The following EPS15L1 variants were observed in gnomAD, a reference collection of about 807,000 sequenced individuals.
The protein encoded by EPS15L1 is epidermal growth factor receptor substrate 15-like 1.
EPS15L1 carries 43 observed loss-of-function variants against 117.1 expected under a neutral mutation model. The ratio of observed to expected loss-of-function variants is 0.37; its 90% CI spans 0.29 to 0.47. The LOEUF (loss-of-function observed/expected upper bound fraction) is 0.47, where lower values mean the gene tolerates loss of function less well. Ranked by LOEUF, EPS15L1 falls within the 20% of genes least tolerant of loss-of-function variation. The pLI is 0.99. For missense variants in EPS15L1, 981 were observed against 1,164.0 expected (o/e 0.84, Z 2.29); for synonymous variants, 459 against 470.5 (o/e 0.98, Z 0.32).
rs202076491 is a variant in EPS15L1, at chr19:16,385,102, C to T, written c.2247+27G>A. ...AGAGGCACAAAGACACTAGCAGAGG[C>T]GCGGGGGCTCCGTGGAGGGGCTTTA... On this transcript the variant is annotated intron_variant, in intron 21 of 23. Transcript: ENST00000455140. The T allele has an allele frequency of 6.3e-5, 101 of 1,591,668 alleles. No individual in the cohort carries two copies. In the African/African-American group the frequency reaches 8.3e-4, roughly 13 times the overall value.
intron 19 of EPS15L1, among the ~76,000 whole-genome samples, chr19:16,387,508 G>A (rs778917094): frequency 2.6e-5 from 4 of 152,314 alleles, no homozygotes; most frequent in East Asian, 3.9e-4. Flanking sequence ...TTGGGAGGCC[G>A]AGGCAGAAGA....
intron 23 of EPS15L1, among the ~76,000 whole-genome samples, chr19:16,360,869 G>A (rs1290791251): frequency 6.6e-6 from 1 of 152,146 alleles, no homozygotes; most frequent in East Asian, 1.9e-4. Flanking sequence ...TGTTCAAAGA[G>A]CCATCCCAGG....
intron 22 of EPS15L1, among the ~76,000 whole-genome samples, chr19:16,364,917 C>G (rs1203353710): frequency 6.6e-6 from 1 of 152,248 alleles, no homozygotes; most frequent in South Asian, 2.1e-4. Flanking sequence ...GGCCTCAACA[C>G]AGGTGGGCCC....
At position 16,398,346 on chromosome 19, in the gene EPS15L1, G is replaced by C. The variant is rs371480880; in HGVS notation, c.1792-2879C>G. Among the ~76,000 whole-genome samples, 5 of 152,228 alleles carry C rather than the reference G, an allele frequency of 3.3e-5. No individual in the cohort carries two copies. The East Asian group carries it at 5.8e-4, about 18-fold the overall frequency. On this transcript the variant is annotated intron_variant, in intron 16 of 23. Transcript: ENST00000455140. ...TCCCAAGGTGGGGAAACCAAGCCGGGTTCTTAGACAAGTTAAGTACAGATG... is the reference window on the plus strand; with the variant it reads ...TCCCAAGGTGGGGAAACCAAGCCGGCTTCTTAGACAAGTTAAGTACAGATG...
At chr19:16,443,145 TA>T (rs1383264469) in intron 1 of EPS15L1, among the ~76,000 whole-genome samples, 2 of 152,144 alleles carry the variant, frequency 1.3e-5, no homozygotes, top group African/African-American at 4.8e-5. Context: ...TAATAAGCGA[TA>T]AAAGTGAAGA....
At chr19:16,465,731 C>T (rs1292394374) in intron 1 of EPS15L1, among the ~76,000 whole-genome samples, 1 of 152,086 alleles carries the variant, frequency 6.6e-6, no homozygotes, top group Non-Finnish European at 1.5e-5. Flanking sequence ...CCCTCTCTAC[C>T]TTTTAATGAG....
intron 1 of EPS15L1, among the ~76,000 whole-genome samples, chr19:16,458,633 C>G (rs77736475): frequency 0.08 from 12,200 of 152,134 alleles, 569 homozygotes; most frequent in Non-Finnish European, 0.11. Flanking sequence ...CCTGAAAGTG[C>G]TCCCTGGCCA....
At position 16,415,254 on chromosome 19, in the gene EPS15L1, G is replaced by A. The variant is rs758023196; in HGVS notation, c.1194-1409C>T. Among the ~76,000 whole-genome samples the A allele has an allele frequency of 1.4e-4, 21 of 152,278 alleles. No individual in the cohort carries two copies. In the East Asian group the frequency reaches 1.5e-3, roughly 11 times the overall value. ...GGGTCCTCAGCAGACCCGATCTGCC[G>A]GTATCTGGAGGTTGGACTTTGCAGC... On this transcript the variant is annotated intron_variant, in intron 12 of 23. Transcript: ENST00000455140.
chr19:16,382,257 G>A (rs1599553203), intron 21 of EPS15L1, among the ~76,000 whole-genome samples: 2 of 152,188 alleles, frequency 1.3e-5, no homozygotes, highest in East Asian at 1.9e-4. Flanking sequence ...GAATGCCCGC[G>A]TCATTTCCGA....
intron 22 of EPS15L1, among the ~76,000 whole-genome samples, chr19:16,363,138 C>T (rs993668818): frequency 6.6e-6 from 1 of 152,168 alleles, no homozygotes; most frequent in Non-Finnish European, 1.5e-5. Flanking sequence ...CTGCAGTTTG[C>T]AGGCCAGCCG....
chr19:16,465,624 A>G (rs868792699), intron 1 of EPS15L1, among the ~76,000 whole-genome samples: 55 of 152,264 alleles, frequency 3.6e-4, no homozygotes, highest in African/African-American at 1.3e-3. Context: ...CGAGGCTGCA[A>G]TGAGCTTTGA....
chr19:16,378,998 G>C (rs2144711155), intron 21 of EPS15L1, among the ~76,000 whole-genome samples: 2 of 152,276 alleles, frequency 1.3e-5, no homozygotes, highest in Non-Finnish European at 2.9e-5. Context: ...GCAGAAATAG[G>C]GGTAAAAATG....
At chr19:16,420,976 C>T (rs1327276499) in intron 10 of EPS15L1, among the ~76,000 whole-genome samples, 3 of 152,218 alleles carry the variant, frequency 2.0e-5, no homozygotes, top group Admixed American at 6.5e-5. Context: ...CCGCACCTCC[C>T]GGAGGCGGCT....
intron 13 of EPS15L1, among the ~76,000 whole-genome samples, chr19:16,411,557 T>C (rs1394846185): frequency 1.3e-5 from 2 of 152,208 alleles, no homozygotes; most frequent in Non-Finnish European, 2.9e-5. Context: ...AAATGTACAC[T>C]TTAATACAGC....
chr19:16,422,553 T>C (rs531001533), intron 9 of EPS15L1, among the ~76,000 whole-genome samples: 20 of 152,150 alleles, frequency 1.3e-4, no homozygotes, highest in Non-Finnish European at 2.6e-4. Context: ...GAGGGATCGA[T>C]TGTTCCTTCT....
chr19:16,438,212 G>T (rs563882236), intron 4 of EPS15L1, among the ~76,000 whole-genome samples: 1 of 152,210 alleles, frequency 6.6e-6, no homozygotes, highest in Non-Finnish European at 1.5e-5. Flanking sequence ...AATCAGCCAG[G>T]CGTGGTGGCA....
At chr19:16,458,927 G>A (rs531106249) in intron 1 of EPS15L1, among the ~76,000 whole-genome samples, 4 of 152,266 alleles carry the variant, frequency 2.6e-5, no homozygotes, top group South Asian at 2.1e-4. Flanking sequence ...TTTCATCGTC[G>A]TGAGGACATC....
At chr19:16,444,298 T>A (rs2093062461) in intron 1 of EPS15L1, among the ~76,000 whole-genome samples, 1 of 151,886 alleles carries the variant, frequency 6.6e-6, no homozygotes, top group African/African-American at 2.4e-5. Context: ...AAAGACATCA[T>A]GGAAAAGACA....
intron 13 of EPS15L1, chr19:16,413,156 C>T: frequency 1.5e-6 from 1 of 663,572 alleles, no homozygotes; most frequent in Non-Finnish European, 2.8e-6. Context: ...TCCGCAGGGC[C>T]ATCATACTGG....
Sources: gnomAD v4.1 joint callset for allele counts (sites outside exome capture counted in the v4.1 genomes callset) on GRCh38, gnomAD v4.1.1 for gene constraint, MANE v1.5 for transcripts, NCBI Gene and HGNC (gene_info 2026-07-23, HGNC 2026-07-21) for gene names.